Variants in TNIK observed in about 807,000 individuals in gnomAD.
TNIK encodes TRAF2 and NCK interacting kinase.
Under a neutral mutation model 191.3 loss-of-function variants are expected in TNIK, and 49 were observed. The observed-to-expected ratio is 0.26, with a 90% CI of 0.20 to 0.32. TNIK has a LOEUF of 0.32. Among genes scored for constraint, TNIK ranks in the 10% least tolerant of loss-of-function variants. TNIK has a pLI of 1.00. For missense variants in TNIK, 1,155 were observed against 1,702.3 expected (o/e 0.68, Z 5.66); for synonymous variants, 594 against 600.9 (o/e 0.99, Z 0.17).
intron 3 of TNIK, among the ~76,000 whole-genome samples, chr3:171,224,202 C>G (rs1742703624): frequency 1.3e-5 from 2 of 152,196 alleles, no homozygotes; most frequent in East Asian, 1.9e-4. Context: ...GGTGACTTCT[C>G]TGCATCCTGC....
intron 1 of TNIK, among the ~76,000 whole-genome samples, chr3:171,383,663 G>C (rs1363499013): frequency 6.6e-6 from 1 of 152,204 alleles, no homozygotes; most frequent in East Asian, 1.9e-4. Flanking sequence ...TTTGGAAAGG[G>C]AGGAAAAAGT....
intron 2 of TNIK, among the ~76,000 whole-genome samples, chr3:171,340,218 C>G (rs2108397656): frequency 6.6e-6 from 1 of 152,308 alleles, no homozygotes; most frequent in South Asian, 2.1e-4. Flanking sequence ...GCAATAGTCT[C>G]TAGGCAGTTG....
intron 1 of TNIK, among the ~76,000 whole-genome samples, chr3:171,416,883 A>G (rs1327026529): frequency 6.6e-6 from 1 of 152,218 alleles, no homozygotes; most frequent in African/African-American, 2.4e-5. Flanking sequence ...TGCTTCAGCC[A>G]CTAAATTGTA....
chr3:171,429,134 C>T (rs760180857), intron 1 of TNIK, among the ~76,000 whole-genome samples: 25 of 152,152 alleles, frequency 1.6e-4, no homozygotes, highest in Non-Finnish European at 3.2e-4. Context: ...TCCTGCCCTA[C>T]GAAGTTCACC....
intron 2 of TNIK, among the ~76,000 whole-genome samples, chr3:171,290,756 A>G (rs1013008619): frequency 6.6e-6 from 1 of 152,218 alleles, no homozygotes; most frequent in African/African-American, 2.4e-5. Context: ...GTACAGCACT[A>G]TAAGCATGAA....
chr3:171,259,556 A>C (rs1370116821), intron 2 of TNIK, among the ~76,000 whole-genome samples: 1 of 152,182 alleles, frequency 6.6e-6, no homozygotes. Flanking sequence ...TCACGTTGGA[A>C]AGACCTTAAC....
At chr3:171,187,259 A>C (rs989899224) in intron 7 of TNIK, among the ~76,000 whole-genome samples, 1 of 152,230 alleles carries the variant, frequency 6.6e-6, no homozygotes, top group Admixed American at 6.5e-5. Flanking sequence ...ATTTGCAAAC[A>C]GAATTATTTA....
chr3:171,399,260 T>C (rs1325609358), intron 1 of TNIK, among the ~76,000 whole-genome samples: 2 of 152,198 alleles, frequency 1.3e-5, no homozygotes, highest in Non-Finnish European at 2.9e-5. Flanking sequence ...AATGCTTTGA[T>C]GCCTCCTTCT....
At chr3:171,239,686 G>T (rs1247964538) in intron 2 of TNIK, among the ~76,000 whole-genome samples, 1 of 151,710 alleles carries the variant, frequency 6.6e-6, no homozygotes, top group Non-Finnish European at 1.5e-5. Flanking sequence ...GCAAAGACCT[G>T]CATATTACAA....
At chr3:171,119,552 C>T (rs1727323806) in intron 18 of TNIK, among the ~76,000 whole-genome samples, 1 of 152,172 alleles carries the variant, frequency 6.6e-6, no homozygotes, top group Non-Finnish European at 1.5e-5. Flanking sequence ...ACCCAAATGT[C>T]CAACAATGAT....
chr3:171,388,236 T>C (rs1350304310), intron 1 of TNIK, among the ~76,000 whole-genome samples: 1 of 152,196 alleles, frequency 6.6e-6, no homozygotes, highest in Non-Finnish European at 1.5e-5. Flanking sequence ...CAATTTCCTC[T>C]GGGCAGAGAT....
At chr3:171,115,452 CTG>C (rs1334334120) in intron 18 of TNIK, among the ~76,000 whole-genome samples, 1 of 152,196 alleles carries the variant, frequency 6.6e-6, no homozygotes, top group Non-Finnish European at 1.5e-5. Flanking sequence ...CATGGCAAAA[CTG>C]TATGTTGTGT....
chr3:171,316,090 C>A (rs1312183709), intron 2 of TNIK, among the ~76,000 whole-genome samples: 2 of 152,142 alleles, frequency 1.3e-5, no homozygotes, highest in Non-Finnish European at 1.5e-5. Flanking sequence ...CTTCCCATAG[C>A]TGCAGTTTTA....
At chr3:171,430,150 A>C (rs1725184412) in intron 1 of TNIK, among the ~76,000 whole-genome samples, 1 of 152,168 alleles carries the variant, frequency 6.6e-6, no homozygotes, top group Admixed American at 6.5e-5. Context: ...CAACTAAATA[A>C]TATGCAAAAC....
chr3:171,333,041 C>A (rs1377765055), intron 2 of TNIK, among the ~76,000 whole-genome samples: 1 of 152,096 alleles, frequency 6.6e-6, no homozygotes, highest in Non-Finnish European at 1.5e-5. Context: ...GCCAAAAGCA[C>A]AGTGATGTTC....
intron 28 of TNIK, among the ~76,000 whole-genome samples, chr3:171,072,238 C>A (rs1719279297): frequency 1.3e-5 from 2 of 152,090 alleles, no homozygotes; most frequent in Non-Finnish European, 2.9e-5. Flanking sequence ...GGTAAAATAT[C>A]TCAAGAAACA....
At chr3:171,246,568 AG>A (rs1371977089) in intron 2 of TNIK, among the ~76,000 whole-genome samples, 2 of 152,238 alleles carry the variant, frequency 1.3e-5, no homozygotes, top group African/African-American at 4.8e-5. Context: ...TATTTAACAT[AG>A]GCAGCATCTC....
At chr3:171,227,500 C>T (rs937938682) in intron 3 of TNIK, among the ~76,000 whole-genome samples, 12 of 152,140 alleles carry the variant, frequency 7.9e-5, no homozygotes, top group African/African-American at 2.7e-4. Flanking sequence ...TTAATACCTT[C>T]ACATCCTTGT....
intron 32 of TNIK, among the ~76,000 whole-genome samples, chr3:171,065,408 A>C (rs1406254051): frequency 1.3e-5 from 2 of 152,178 alleles, no homozygotes; most frequent in South Asian, 4.1e-4. Context: ...GATATACAAA[A>C]ATTCAACCCA....
Sources: allele counts gnomAD v4.1 joint callset (sites outside exome capture counted in the v4.1 genomes callset), GRCh38; gene constraint gnomAD v4.1.1; transcripts MANE v1.5; gene names NCBI Gene and HGNC (gene_info 2026-07-23, HGNC 2026-07-21).